The following MOK variants were observed in gnomAD, a reference collection of about 807,000 sequenced individuals.
MOK encodes MOK protein kinase, also known as MAPK/MAK/MRK overlapping kinase.
Under a neutral mutation model 54.2 loss-of-function variants are expected in MOK, and 59 were observed. The ratio of observed to expected loss-of-function variants is 1.09; its 90% CI spans 0.88 to 1.35. The LOEUF (loss-of-function observed/expected upper bound fraction) is 1.35, where lower values mean the gene tolerates loss of function less well. Among genes scored for constraint, MOK ranks in the 40% most tolerant of loss-of-function variants. MOK has a pLI of 0.00. For missense variants in MOK, 517 were observed against 526.2 expected, an observed-to-expected ratio of 0.98 and a Z score of 0.17; for synonymous variants, 210 against 202.7, an observed-to-expected ratio of 1.04 and a Z score of -0.31.
chr14:102,234,001 G>C, intron 7 of MOK: 2 of 515,788 alleles, frequency 3.9e-6, no homozygotes, highest in South Asian at 2.4e-5. Flanking sequence ...ACAACCCCGG[G>C]ATGTGACCAT....
chr14:102,286,636 G>A (rs964220675), intron 1 of MOK, among the ~76,000 whole-genome samples: 7 of 151,996 alleles, frequency 4.6e-5, no homozygotes, highest in African/African-American at 1.7e-4. Context: ...ACTTGCTCAA[G>A]TACATATGAC....
intron 2 of MOK, among the ~76,000 whole-genome samples, chr14:102,267,141 G>A (rs961345528): frequency 1.3e-5 from 2 of 152,160 alleles, no homozygotes; most frequent in Non-Finnish European, 2.9e-5. Context: ...GGCTCCAAAA[G>A]GAACTAATTG....
At chr14:102,274,712 C>T (rs1182219127) in intron 2 of MOK, among the ~76,000 whole-genome samples, 4 of 151,880 alleles carry the variant, frequency 2.6e-5, no homozygotes, top group African/African-American at 9.6e-5. Flanking sequence ...CGGTAACTCA[C>T]GCCTGTAATC....
chr14:102,284,489 A>G (rs2069807368), intron 1 of MOK, among the ~76,000 whole-genome samples: 1 of 152,066 alleles, frequency 6.6e-6, no homozygotes, highest in South Asian at 2.1e-4. Flanking sequence ...AGATAAGTAC[A>G]GGCAAGAATG....
At chr14:102,225,173 A>G (rs1141544), downstream of MOK, 84 of 204,186 alleles carry the variant, frequency 4.1e-4, no homozygotes, top group African/African-American at 1.7e-3. Flanking sequence ...TGATCCTCCC[A>G]TCTCAGCCTC....
At chr14:102,283,775 T>C (rs77332569) in intron 1 of MOK, among the ~76,000 whole-genome samples, 183 bp from the exon 2 acceptor site, 6,342 of 152,238 alleles carry the variant, frequency 0.042, 147 homozygotes, top group Middle Eastern at 0.065. Context: ...CAAAGCATCA[T>C]TTCCTTCCAG....
At chr14:102,293,396 G>T (rs2070985014) in intron 1 of MOK, among the ~76,000 whole-genome samples, 2 of 152,072 alleles carry the variant, frequency 1.3e-5, no homozygotes, top group Non-Finnish European at 2.9e-5. Context: ...CACAACACAT[G>T]CACAGAGAAA....
rs573025611 is a variant in MOK, at chr14:102,237,447, G to A, written c.591-3658C>T. ...CAGCACTAATAGATAATCTGCCCTC[G>A]CCCTCCTCCAAAAGCGAAGTTCTTT... On this transcript the variant is annotated intron_variant, in intron 7 of 11. Transcript: ENST00000361847. Among the ~76,000 whole-genome samples, 16 of 152,154 alleles carry A rather than the reference G, an allele frequency of 1.1e-4. No homozygotes were observed. In the East Asian group the frequency reaches 1.7e-3, roughly 17 times the overall value.
chr14:102,265,913 C>G lies in MOK; in HGVS notation c.123-1G>C, dbSNP rs761106687. The G allele has an allele frequency of 1.9e-5, 30 of 1,610,676 alleles. No homozygotes were observed. The highest frequency in any genetic ancestry group is 2.4e-5 in the Non-Finnish European group (28 of 1,177,498). ...TCGTAGGTTGTTGACTTGCTCAATA[C>G]TATCGTGTAGGTAAAAATGGATAGC... On this transcript the variant is annotated splice_acceptor_variant, in intron 2 of 11. Coordinates refer to ENST00000361847, the MANE Select transcript of MOK (RefSeq NM_014226.3). LOFTEE classifies it high-confidence loss of function.
intron 2 of MOK, among the ~76,000 whole-genome samples, chr14:102,268,413 T>A (rs191332724): frequency 6.6e-6 from 1 of 152,312 alleles, no homozygotes. Flanking sequence ...AAACTACTTT[T>A]CTTTGCCTTG....
intron 8 of MOK, chr14:102,233,233 C>T (rs2153085580): frequency 6.3e-6 from 1 of 159,740 alleles, no homozygotes; most frequent in South Asian, 1.8e-4. Flanking sequence ...GCCCACAGGC[C>T]CTCCCTGGGA....
downstream of MOK, among the ~76,000 whole-genome samples, chr14:102,223,834 G>A (rs189186800): frequency 5.9e-5 from 9 of 152,170 alleles, no homozygotes; most frequent in Non-Finnish European, 1.0e-4. Flanking sequence ...TCAGGAGGGC[G>A]TGGGCTCTGT....
At chr14:102,222,988 C>T (rs912009835), downstream of MOK, 74 of 1,371,848 alleles carry the variant, frequency 5.4e-5, no homozygotes, top group Middle Eastern at 2.4e-4. The surrounding 1 kb of genome is among the most constrained non-coding windows in gnomAD (Gnocchi z 4.4). Flanking sequence ...GGACCTCAGG[C>T]GGTGGACGTC....
intron 2 of MOK, among the ~76,000 whole-genome samples, chr14:102,274,389 C>A (rs534369876): frequency 2.0e-5 from 3 of 150,920 alleles, no homozygotes; most frequent in African/African-American, 7.3e-5. Flanking sequence ...CAAGCAGCTG[C>A]GACTACAGGT....
chr14:102,249,946 C>T lies in MOK; in HGVS notation c.590+866G>A, dbSNP rs115807254. Among the ~76,000 whole-genome samples, 771 of 152,180 alleles carry T rather than the reference C, an allele frequency of 5.1e-3. 6 individuals carry two copies. Among genetic ancestry groups the T allele is most frequent in the African/African-American group, 0.017 (713 of 41,496 alleles). On this transcript the variant is annotated intron_variant, in intron 7 of 11. Coordinates refer to ENST00000361847, the MANE Select transcript of MOK (RefSeq NM_014226.3). This position sits in a 1 kb window ranked among gnomAD's most constrained non-coding sequence, Gnocchi z 5.3. The stretch of plus-strand genomic sequence containing the variant: ...CTGGTGCACCGTGGGCCGTCTTGTG[C>T]GCTGGTGAGATACAGGTGGCCTTGT...
chr14:102,287,270 A>T (rs1332292591), intron 1 of MOK, among the ~76,000 whole-genome samples: 8 of 152,064 alleles, frequency 5.3e-5, no homozygotes, highest in African/African-American at 1.7e-4. Context: ...GGAGTTCGAG[A>T]CCAGCCTGGC....
intron 1 of MOK, among the ~76,000 whole-genome samples, chr14:102,286,156 G>A (rs370088146): frequency 0.054 from 8,238 of 151,554 alleles, 283 homozygotes; most frequent in African/African-American, 0.1. Flanking sequence ...AAAATTAGCC[G>A]GGCGTGGTGG....
chr14:102,231,295 C>A lies in MOK; in HGVS notation c.981+412G>T, dbSNP rs1278182427. On this transcript the variant is annotated intron_variant, in intron 10 of 11. Coordinates refer to ENST00000361847, the MANE Select transcript of MOK (RefSeq NM_014226.3). The surrounding 1 kb of genome is among the most constrained non-coding windows in gnomAD (Gnocchi z 4.4). The stretch of plus-strand genomic sequence containing the variant: ...AGAGACAGTGACTTGAGACCTGTCA[C>A]TGGCTGGGTGGGTGACTTGGGCCAG... 6.3e-6 allele frequency: 1 copy of A among 158,660 alleles called. No homozygotes were observed. The highest frequency in any genetic ancestry group is 2.0e-4 in the South Asian group (1 of 4,936). 9.8% of individuals were successfully genotyped at this position (158,660 alleles called of 1,614,324 possible).
At position 102,249,391 on chromosome 14, in the gene MOK, T is replaced by C. The variant is rs1208239819; in HGVS notation, c.590+1421A>G. 6.6e-6 allele frequency among the ~76,000 whole-genome samples: 1 copy of C among 152,194 alleles called. No homozygotes were observed. The highest frequency in any genetic ancestry group is 6.5e-5 in the Admixed American group (1 of 15,278). ...AACCTTTTGGTTTCCAGAGCTTTTATAGATTTTGGAATTGTGGGAACAAGA... is the reference window on the plus strand; with the variant it reads ...AACCTTTTGGTTTCCAGAGCTTTTACAGATTTTGGAATTGTGGGAACAAGA... On this transcript the variant is annotated intron_variant, in intron 7 of 11. Transcript: ENST00000361847. This position sits in a 1 kb window ranked among gnomAD's most constrained non-coding sequence, Gnocchi z 5.3.
Sources: allele counts gnomAD v4.1 joint callset (sites outside exome capture counted in the v4.1 genomes callset), GRCh38; gene constraint gnomAD v4.1.1; non-coding constraint Gnocchi (gnomAD v3.1); transcripts MANE v1.5; gene names NCBI Gene and HGNC (gene_info 2026-07-23, HGNC 2026-07-21).